Variants in TTC29 observed in about 807,000 individuals in gnomAD.
TTC29 encodes tetratricopeptide repeat domain 29, also known as tetratricopeptide repeat protein 29.
In TTC29, 49 loss-of-function variants were observed where a neutral mutation model predicts 58.1. That is an observed-to-expected ratio of 0.84 (90% CI 0.67 to 1.07). The LOEUF is 1.07. Among genes scored for constraint, TTC29 ranks in the 50% least tolerant of loss-of-function variants. The probability of loss-of-function intolerance (pLI) is 0.00; values close to 1 mark genes in which losing one functional copy is unlikely to be tolerated. For missense variants in TTC29, 582 were observed against 555.6 expected (o/e 1.05, Z -0.48); for synonymous variants, 209 against 196.8 (o/e 1.06, Z -0.52).
intron 11 of TTC29, among the ~76,000 whole-genome samples, chr4:146,720,730 C>T (rs1332399527): frequency 6.6e-6 from 1 of 152,040 alleles, no homozygotes; most frequent in Admixed American, 6.6e-5. Context: ...TTTGACTAAG[C>T]ATATTTTTTA....
At chr4:146,932,926 C>T (rs753373363) in intron 4 of TTC29, among the ~76,000 whole-genome samples, 7 of 151,868 alleles carry the variant, frequency 4.6e-5, no homozygotes, top group Admixed American at 2.0e-4. Flanking sequence ...GGCGTGGTGG[C>T]GGACGCCTGT....
intron 11 of TTC29, among the ~76,000 whole-genome samples, chr4:146,767,824 T>C (rs937132676): frequency 3.9e-5 from 6 of 152,086 alleles, no homozygotes; most frequent in Non-Finnish European, 8.8e-5. Context: ...GAATAATGTC[T>C]GCTATTGCAA....
chr4:146,940,559 G>T (rs147055832), intron 2 of TTC29, among the ~76,000 whole-genome samples: 1 of 152,196 alleles, frequency 6.6e-6, no homozygotes, highest in African/African-American at 2.4e-5. Context: ...TCTCCTCCAT[G>T]ATGATGGGAG....
At chr4:146,818,920 T>G (rs1751625338) in intron 10 of TTC29, among the ~76,000 whole-genome samples, 1 of 151,106 alleles carries the variant, frequency 6.6e-6, no homozygotes, top group Admixed American at 6.6e-5. Context: ...AACATCACAC[T>G]CTGGGGACTG....
intron 6 of TTC29, among the ~76,000 whole-genome samples, chr4:146,888,855 C>T (rs377101702): frequency 3.5e-4 from 53 of 152,166 alleles, no homozygotes; most frequent in African/African-American, 1.2e-3. Flanking sequence ...GAGCAGACAG[C>T]GTCTGCTCCA....
chr4:146,936,715 A>G lies in TTC29; in HGVS notation c.176+879T>C, dbSNP rs969939136. Among the ~76,000 whole-genome samples, 11 of 152,216 alleles carry G rather than the reference A, an allele frequency of 7.2e-5. No homozygotes were observed. The East Asian group carries it at 1.7e-3, about 24-fold the overall frequency. ...AAAGATAATATCTGATAAAATGGAAAACACCAAGAGACTTAGAACTTTAGA... is the reference window on the plus strand; with the variant it reads ...AAAGATAATATCTGATAAAATGGAAGACACCAAGAGACTTAGAACTTTAGA... On this transcript the variant is annotated intron_variant, in intron 4 of 12. Transcript: ENST00000325106.
At chr4:146,810,239 A>G (rs1750919776) in intron 10 of TTC29, among the ~76,000 whole-genome samples, 1 of 152,154 alleles carries the variant, frequency 6.6e-6, no homozygotes, top group Non-Finnish European at 1.5e-5. Context: ...GGAAGGGAAC[A>G]TCACATACCT....
chr4:146,707,649 C>T (rs1742072275), intron 11 of TTC29, 98 bp from the exon 12 acceptor site: 6 of 802,516 alleles, frequency 7.5e-6, no homozygotes, highest in Admixed American at 6.8e-5. Context: ...GATATCTGTC[C>T]TTATCACCTA....
chr4:146,800,290 A>G (rs933715869), intron 11 of TTC29, among the ~76,000 whole-genome samples: 12 of 152,168 alleles, frequency 7.9e-5, no homozygotes, highest in Admixed American at 7.2e-4. Context: ...TCACTGCTCT[A>G]TTCCCTTAGG....
At chr4:146,876,758 A>C (rs2150225874) in intron 6 of TTC29, among the ~76,000 whole-genome samples, 1 of 152,084 alleles carries the variant, frequency 6.6e-6, no homozygotes, top group African/African-American at 2.4e-5. Flanking sequence ...AACATGGTGA[A>C]GCTCCGTCTC....
At chr4:146,826,190 G>A (rs147843637) in intron 9 of TTC29, among the ~76,000 whole-genome samples, 4,112 of 152,248 alleles carry the variant, frequency 0.027, 71 homozygotes, top group Non-Finnish European at 0.043. Flanking sequence ...AGTTAATGCA[G>A]TTTCTTCATA....
At chr4:146,820,084 C>T in intron 10 of TTC29, 41 bp downstream of exon 10, 5 of 1,605,864 alleles carry the variant, frequency 3.1e-6, no homozygotes, top group Non-Finnish European at 4.2e-6. Flanking sequence ...TCTCCCTAAA[C>T]ACCGCAAATT....
intron 8 of TTC29, among the ~76,000 whole-genome samples, chr4:146,847,603 C>T (rs1020252678): frequency 2.0e-5 from 3 of 152,006 alleles, no homozygotes; most frequent in African/African-American, 7.3e-5. Flanking sequence ...AATTCCTCAG[C>T]GAGCCATGTG....
At chr4:146,756,482 A>C (rs901350201) in intron 11 of TTC29, among the ~76,000 whole-genome samples, 1 of 152,136 alleles carries the variant, frequency 6.6e-6, no homozygotes, top group Non-Finnish European at 1.5e-5. Flanking sequence ...TTAAAGTTTC[A>C]CTGTCTGTTT....
At chr4:146,715,070 T>C (rs1742829018) in intron 11 of TTC29, among the ~76,000 whole-genome samples, 1 of 152,062 alleles carries the variant, frequency 6.6e-6, no homozygotes, top group African/African-American at 2.4e-5. Context: ...ACTCCTGGCC[T>C]CAAGCAATCC....
chr4:146,921,921 T>C (rs939865332), intron 4 of TTC29, among the ~76,000 whole-genome samples: 1 of 148,854 alleles, frequency 6.7e-6, no homozygotes, highest in Non-Finnish European at 1.5e-5. Flanking sequence ...ATTTTGTAAA[T>C]TGATACATTT....
chr4:146,925,417 G>A (rs971721670), intron 4 of TTC29, among the ~76,000 whole-genome samples: 2 of 151,994 alleles, frequency 1.3e-5, no homozygotes, highest in African/African-American at 2.4e-5. Context: ...TCCTCTTGAT[G>A]AGCCAACTCC....
chr4:146,782,379 A>C (rs1426311263), intron 11 of TTC29, among the ~76,000 whole-genome samples: 2 of 151,836 alleles, frequency 1.3e-5, no homozygotes, highest in African/African-American at 4.8e-5. Flanking sequence ...TCAATGGATT[A>C]TTGAAATGTA....
intron 8 of TTC29, among the ~76,000 whole-genome samples, chr4:146,836,498 G>A (rs1352968336): frequency 1.3e-5 from 2 of 152,064 alleles, no homozygotes; most frequent in Non-Finnish European, 2.9e-5. Flanking sequence ...AAATCATGAA[G>A]AGATTACTAG....
Sources: allele counts gnomAD v4.1 joint callset (sites outside exome capture counted in the v4.1 genomes callset), GRCh38; gene constraint gnomAD v4.1.1; transcripts MANE v1.5; gene names NCBI Gene and HGNC (gene_info 2026-07-23, HGNC 2026-07-21).